Variants in WNK1 observed in about 807,000 individuals in gnomAD.
The protein encoded by WNK1 is WNK lysine deficient protein kinase 1.
WNK1 carries 38 observed loss-of-function variants against 222.8 expected under a neutral mutation model. That is an observed-to-expected ratio of 0.17 (90% CI 0.13 to 0.22). The LOEUF is 0.22. WNK1 is among the 10% of genes least tolerant of loss of function. The pLI, the probability that WNK1 is intolerant of heterozygous loss-of-function variation, is 1.00. For missense variants in WNK1, 2,348 were observed against 2,918.4 expected, an observed-to-expected ratio of 0.80 and a Z score of 4.50; for synonymous variants, 1,090 against 1,092.9, an observed-to-expected ratio of 1.00 and a Z score of 0.05.
chr12:868,845 A>G (rs750682373), intron 8 of WNK1: 1 of 1,613,992 alleles, frequency 6.2e-7, no homozygotes, highest in African/African-American at 1.3e-5. Flanking sequence ...CCTATCGGAC[A>G]GAACTGGCCA....
intron 22 of WNK1, among the ~76,000 whole-genome samples, chr12:893,518 T>C (rs1418402464): frequency 6.6e-6 from 1 of 152,132 alleles, no homozygotes; most frequent in East Asian, 1.9e-4. Flanking sequence ...GTTTTTAAAT[T>C]GCCCAAAACT....
intron 6 of WNK1, among the ~76,000 whole-genome samples, chr12:859,840 C>T (rs376574897): frequency 6.6e-5 from 10 of 151,570 alleles, no homozygotes; most frequent in Non-Finnish European, 1.0e-4. Flanking sequence ...CTTAGCCTGC[C>T]GAGAAGCTGG....
rs568259545 is a variant in WNK1 at position 824,554 on chromosome 12, C to T, written c.933-2488C>T. On this transcript the variant is annotated intron_variant, in intron 2 of 27. Coordinates refer to ENST00000315939, the MANE Select transcript of WNK1 (RefSeq NM_018979.4). Reference sequence around the variant, plus strand: ...GCAATTTAGACAAAGATATGATTCCCTCCTGCTAGCTGGGATAATCTTGAA... The same window carrying T: ...GCAATTTAGACAAAGATATGATTCCTTCCTGCTAGCTGGGATAATCTTGAA... Among the ~76,000 whole-genome samples the T allele has an allele frequency of 1.5e-4, 23 of 152,126 alleles. No homozygotes were observed. In the South Asian group the frequency reaches 4.8e-3, roughly 31 times the overall value.
intron 2 of WNK1, among the ~76,000 whole-genome samples, chr12:822,187 G>A (rs1402853436): frequency 7.6e-6 from 1 of 131,208 alleles, no homozygotes; most frequent in African/African-American, 2.8e-5. Context: ...CCCGCCTCCC[G>A]GGTTCAAGCG....
rs1405036582 is a variant in WNK1, at chr12:759,629, G to T, written c.759+5305G>T. On this transcript the variant is annotated intron_variant, in intron 1 of 27. Coordinates refer to ENST00000315939, the MANE Select transcript of WNK1 (RefSeq NM_018979.4). ...CAGGCTTGAGCCACCATGCTCAGCCGTTTTGTTTTGTTTTAAAACCTGGTC... is the reference window on the plus strand; with the variant it reads ...CAGGCTTGAGCCACCATGCTCAGCCTTTTTGTTTTGTTTTAAAACCTGGTC... 1.4e-5 allele frequency among the ~76,000 whole-genome samples: 2 copies of T among 147,726 alleles called. 1 individual carries two copies. Among genetic ancestry groups the T allele is most frequent in the Non-Finnish European group, 3.0e-5 (2 of 66,020 alleles).
intron 1 of WNK1, among the ~76,000 whole-genome samples, chr12:785,649 A>G (rs907050425): frequency 7.9e-5 from 12 of 152,166 alleles, no homozygotes; most frequent in Non-Finnish European, 1.3e-4. Flanking sequence ...CACCCGCCTC[A>G]GCCTCCCAAA....
At chr12:810,296 G>A (rs1946791048) in intron 1 of WNK1, among the ~76,000 whole-genome samples, 1 of 151,976 alleles carries the variant, frequency 6.6e-6, no homozygotes. Context: ...AGTCAGTGTG[G>A]TGCAGAAAAT....
At position 896,634 on chromosome 12, in the gene WNK1, C is replaced by A. The variant is rs759148808; in HGVS notation, c.6147C>A (p.Ser2049Arg). The A allele has an allele frequency of 6.2e-7, 1 of 1,608,004 alleles. No individual in the cohort carries two copies. The highest frequency in any genetic ancestry group is 8.5e-7 in the Non-Finnish European group (1 of 1,177,706). The change falls in exon 24 of 28, where the codon AGC (serine) becomes AGA (arginine). Residue 2049 changes from serine (S) to arginine (R), a missense_variant. Physicochemically the swap from Ser to Arg is moderately radical, Grantham distance 110 (BLOSUM62 -1). Transcript: ENST00000315939. ...TTCCTAGCCAGAATCTAAGTCAAAGCCTTAGTAATTCATTTAACTCCTCTT... is the reference window on the plus strand; with the variant it reads ...TTCCTAGCCAGAATCTAAGTCAAAGACTTAGTAATTCATTTAACTCCTCTT... ...KSLPSQNLSQ[S>R]LSNSFNSSYM...
At chr12:891,385 G>A (rs1346729207) in intron 22 of WNK1, among the ~76,000 whole-genome samples, 3 of 152,142 alleles carry the variant, frequency 2.0e-5, no homozygotes, top group East Asian at 3.9e-4. Context: ...TGATCTGCCC[G>A]CCTCGGCCTC....
chr12:901,238 TA>T (rs1360821843), intron 26 of WNK1, among the ~76,000 whole-genome samples: 4 of 152,110 alleles, frequency 2.6e-5, no homozygotes, highest in Admixed American at 1.3e-4. Context: ...ATGAAAAAAA[TA>T]TAGGTACTGG....
Position 775,123 on chromosome 12 carries a change from T to C in WNK1, c.759+20799T>C, listed in dbSNP as rs147545469. On this transcript the variant is annotated intron_variant, in intron 1 of 27. Coordinates refer to ENST00000315939, the MANE Select transcript of WNK1 (RefSeq NM_018979.4). Reference sequence around the variant, plus strand: ...GGATTTATCTTCATGGATATATTTATGTTATAGTATTAAAATCTGAAATTG... The same window carrying C: ...GGATTTATCTTCATGGATATATTTACGTTATAGTATTAAAATCTGAAATTG... 1.5e-3 allele frequency among the ~76,000 whole-genome samples: 225 copies of C among 152,278 alleles called. 4 individuals carry two copies. The highest frequency in any genetic ancestry group is 0.014 in the Middle Eastern group (4 of 294).
At chr12:842,321 A>G (rs1002850214) in intron 4 of WNK1, among the ~76,000 whole-genome samples, 1 of 152,160 alleles carries the variant, frequency 6.6e-6, no homozygotes, top group African/African-American at 2.4e-5. Context: ...CATGAACCTA[A>G]TAGAATAGGA....
Position 880,799 on chromosome 12 carries a change from A to G in WNK1, c.2911A>G (p.Ile971Val), listed in dbSNP as rs772077110. The G allele has an allele frequency of 1.2e-6, 2 of 1,613,974 alleles. No homozygotes were observed. The highest frequency in any genetic ancestry group is 1.7e-6 in the Non-Finnish European group (2 of 1,179,994). ...APSSNVASVC[I>V]HSTVLSPPMP... ...CTCTTCCAACGTGGCTTCTGTTTGC[A>G]TCCATTCTACAGTCCTATCCCCTCC... is the stretch of plus-strand genomic sequence containing the variant. Residue 971 changes from isoleucine to valine, a missense_variant, in exon 12 of 28, where the codon ATC (isoleucine) becomes GTC (valine). Coordinates refer to ENST00000315939, the MANE Select transcript of WNK1 (RefSeq NM_018979.4).
At position 859,088 on chromosome 12, in the gene WNK1, T is replaced by C. The variant is rs541458756; in HGVS notation, c.1401-157T>C. ...TCAGAGTAAACCTCTGTAGGCACCC[T>C]TCAAATTCAGCAATGTAAAAATGAG... On this transcript the variant is annotated intron_variant, in intron 5 of 27. Coordinates refer to ENST00000315939, the MANE Select transcript of WNK1 (RefSeq NM_018979.4). 3.3e-5 allele frequency among the ~76,000 whole-genome samples: 5 copies of C among 152,332 alleles called. No homozygotes were observed. The South Asian group carries it at 1.0e-3, about 32-fold the overall frequency.
rs557769422 is a variant in WNK1 at position 771,283 on chromosome 12, T to C, written c.759+16959T>C. The stretch of plus-strand genomic sequence containing the variant: ...AAGTGCTGGGATGACAGGTGTGAGC[T>C]ACTATGCCCGGCGCTTTATATTCTT... On this transcript the variant is annotated intron_variant, in intron 1 of 27. Coordinates refer to ENST00000315939, the MANE Select transcript of WNK1 (RefSeq NM_018979.4). Among the ~76,000 whole-genome samples, 54 of 151,938 alleles carry C rather than the reference T, an allele frequency of 3.6e-4. 1 individual carries two copies. Among genetic ancestry groups the C allele is most frequent in the African/African-American group, 1.2e-3 (50 of 41,436 alleles).
chr12:813,937 T>C, intron 2 of WNK1, 123 bp downstream of exon 2: 1 of 983,648 alleles, frequency 1.0e-6, no homozygotes, highest in Non-Finnish European at 1.6e-6. Context: ...CTTCCAACTG[T>C]TACTGTATTA....
intron 4 of WNK1, among the ~76,000 whole-genome samples, chr12:856,545 A>G (rs1168648716): frequency 6.6e-6 from 1 of 152,150 alleles, no homozygotes; most frequent in Non-Finnish European, 1.5e-5. Flanking sequence ...ATCACATGTG[A>G]TAGTGGTAAT....
At chr12:801,125 T>C (rs770591321) in intron 1 of WNK1, among the ~76,000 whole-genome samples, 11 of 152,210 alleles carry the variant, frequency 7.2e-5, no homozygotes, top group Non-Finnish European at 1.6e-4. Flanking sequence ...ATTTAATATT[T>C]TATTTCTGTA....
intron 4 of WNK1, among the ~76,000 whole-genome samples, chr12:848,516 T>TTTTTTG (rs60885768): frequency 6.7e-6 from 1 of 148,746 alleles, no homozygotes; most frequent in African/African-American, 2.5e-5. Context: ...TTTTTTTTTT[T>TTTTTTG]GCTTGGTCAG....
Sources: gnomAD v4.1 joint callset for allele counts (sites outside exome capture counted in the v4.1 genomes callset) on GRCh38, gnomAD v4.1.1 for gene constraint, MANE v1.5 for transcripts, NCBI Gene and HGNC (gene_info 2026-07-23, HGNC 2026-07-21) for gene names.